IPP: variants seen among roughly 807,000 people sequenced by gnomAD.
The protein encoded by IPP is actin-binding protein IPP.
A neutral mutation model predicts 64.1 loss-of-function variants in IPP; 41 were observed. That is an observed-to-expected ratio of 0.64 (90% CI 0.50 to 0.83). IPP has a LOEUF of 0.83. Among genes scored for constraint, IPP ranks in the 40% least tolerant of loss-of-function variants. The pLI is 0.00. For missense variants in IPP, 649 were observed against 703.0 expected (o/e 0.92, Z 0.87); for synonymous variants, 214 against 235.2 (o/e 0.91, Z 0.83).
In IPP at chr1:45,700,192, T is replaced by A; in HGVS notation, c.1531-2A>T. ...TGAGGCAACTTCAACCCACTTTTCCTGGTTAAGAGAGAAAAAAAAAATATG... is the reference window on the plus strand; with the variant it reads ...TGAGGCAACTTCAACCCACTTTTCCAGGTTAAGAGAGAAAAAAAAAATATG... On this transcript the variant is annotated splice_acceptor_variant, in intron 8 of 8. Coordinates refer to ENST00000396478, the MANE Select transcript of IPP (RefSeq NM_005897.3). LOFTEE classifies it high-confidence loss of function. 6.3e-7 allele frequency: 1 copy of A among 1,592,972 alleles called. No homozygotes were observed. The highest frequency in any genetic ancestry group is 8.5e-7 in the Non-Finnish European group (1 of 1,172,416).
Position 45,741,133 on chromosome 1 carries a change from G to C in IPP, c.492C>G (p.Val164=). 5.6e-6 allele frequency: 9 copies of C among 1,614,132 alleles called. No homozygotes were observed. Among genetic ancestry groups the C allele is most frequent in the Non-Finnish European group, 7.6e-6 (9 of 1,179,988 alleles). The change falls in exon 3 of 9, where the codon GTC becomes GTG. Residue 164 remains valine, a synonymous_variant. Coordinates refer to ENST00000396478, the MANE Select transcript of IPP (RefSeq NM_005897.3). The stretch of plus-strand genomic sequence containing the variant: ...CTCCACTATGAACCTCCAAGAAATG[G>C]ACATGAATGTAGTTTTCTGAGAATT... ...LLEFSENYIH[V]HFLEVHSGEE... is the part of the protein sequence containing the mutation.
chr1:45,703,550 T>C (rs1233438403), intron 8 of IPP, among the ~76,000 whole-genome samples: 6 of 151,664 alleles, frequency 4.0e-5, no homozygotes, highest in Admixed American at 2.0e-4. Flanking sequence ...CAAGTGAATT[T>C]GAGAGACTTG....
chr1:45,741,582 T>C (rs1400561620), intron 2 of IPP, among the ~76,000 whole-genome samples: 2 of 152,144 alleles, frequency 1.3e-5, no homozygotes, highest in African/African-American at 2.4e-5. Flanking sequence ...TTAACCCTTA[T>C]TATAATCCCA....
chr1:45,695,702 T>G (rs1217232265), downstream of IPP, among the ~76,000 whole-genome samples: 1 of 151,362 alleles, frequency 6.6e-6, no homozygotes, highest in Non-Finnish European at 1.5e-5. Context: ...GGAGTTTCAC[T>G]CTTGTTGCCC....
chr1:45,697,772 C>T (rs1010627036), downstream of IPP, among the ~76,000 whole-genome samples: 5 of 151,452 alleles, frequency 3.3e-5, no homozygotes, highest in Admixed American at 2.0e-4. Flanking sequence ...GCCTGGCCAA[C>T]ATGGTGAAAC....
chr1:45,713,367 C>A (rs918555637), intron 8 of IPP, among the ~76,000 whole-genome samples: 7 of 152,062 alleles, frequency 4.6e-5, no homozygotes, highest in African/African-American at 1.4e-4. Context: ...TCGAAACCAG[C>A]CTGACCAACA....
At chr1:45,732,942 G>A (rs1412801713) in intron 3 of IPP, among the ~76,000 whole-genome samples, 1 of 151,918 alleles carries the variant, frequency 6.6e-6, no homozygotes, top group Admixed American at 6.6e-5. Flanking sequence ...TGGGATTACA[G>A]GTGTGAGCCA....
In IPP at chr1:45,741,332, CCTAGAGA is replaced by C. The variant is rs1452193948; in HGVS notation, c.293-7_293-1del. 6.3e-7 allele frequency: 1 copy of C among 1,578,486 alleles called. No homozygotes were observed. Among genetic ancestry groups the C allele is most frequent in the Non-Finnish European group, 8.6e-7 (1 of 1,160,996 alleles). ...ATTATTCACACCTATGTTCACTATA[CCTAGAGA>C]AGTAGGAAGACAAAATGGCCAATAA... is the stretch of plus-strand genomic sequence containing the variant. On this transcript the variant is annotated splice_acceptor_variant and splice_polypyrimidine_tract_variant and intron_variant, in intron 2 of 8. Transcript: ENST00000396478. LOFTEE classifies it high-confidence loss of function.
chr1:45,738,124 T>TATTTATCC (rs1393034583), intron 3 of IPP, among the ~76,000 whole-genome samples: 1 of 152,126 alleles, frequency 6.6e-6, no homozygotes, highest in East Asian at 1.9e-4. Context: ...TTAGAATGTA[T>TATTTATCC]CCCCCATGGA....
Position 45,700,240 on chromosome 1 carries a change from G to C in IPP, c.1531-50C>G. 1.9e-6 allele frequency: 3 copies of C among 1,557,246 alleles called. No individual in the cohort carries two copies. The South Asian group carries it at 3.6e-5, about 19-fold the overall frequency. ...ATGTTAGCAGTGTTATGAAATGATA[G>C]TAAAGAAATCCACTGAGAAATTCGA... is the stretch of plus-strand genomic sequence containing the variant. On this transcript the variant is annotated intron_variant, in intron 8 of 8. Transcript: ENST00000396478.
intron 8 of IPP, among the ~76,000 whole-genome samples, chr1:45,712,549 C>G (rs1188355976): frequency 6.6e-6 from 1 of 151,034 alleles, no homozygotes; most frequent in African/African-American, 2.4e-5. Context: ...AAGAAATTAC[C>G]AGAAAAATTT....
chr1:45,716,955 A>C lies in IPP; in HGVS notation c.1249T>G (p.Trp417Gly). 1 of 1,613,034 alleles carries C rather than the reference A, an allele frequency of 6.2e-7. No individual in the cohort carries two copies. Reference sequence around the variant, plus strand: ...ACAGCCATGTTACCAACTACTTCCCATTTATTTTCATCAGGATCAAATCGT... The same window carrying C: ...ACAGCCATGTTACCAACTACTTCCCCTTTATTTTCATCAGGATCAAATCGT... ...IERFDPDENK[W>G]EVVGNMAVSR... Residue 417 changes from tryptophan (W) to glycine (G), a missense_variant, in exon 7 of 9, where the codon TGG (tryptophan) becomes GGG (glycine). By Grantham distance (184) the Trp-to-Gly change is radical. Coordinates refer to ENST00000396478, the MANE Select transcript of IPP (RefSeq NM_005897.3).
chr1:45,729,525 G>T (rs1645876925), intron 4 of IPP, 89 bp downstream of exon 4: 1 of 985,030 alleles, frequency 1.0e-6, no homozygotes, highest in Non-Finnish European at 1.6e-6. Context: ...CACATATTCT[G>T]ACATGTATAG....
At chr1:45,713,182 C>T (rs1006733440) in intron 8 of IPP, among the ~76,000 whole-genome samples, 2 of 151,968 alleles carry the variant, frequency 1.3e-5, no homozygotes, top group African/African-American at 4.8e-5. Context: ...AATGCCAGTG[C>T]TTTGGGATGC....
downstream of IPP, among the ~76,000 whole-genome samples, chr1:45,696,000 A>G (rs1557733904): frequency 6.6e-6 from 1 of 152,302 alleles, no homozygotes; most frequent in East Asian, 1.9e-4. Flanking sequence ...GTTTCCACTC[A>G]GTCTCAATCT....
chr1:45,699,973 A>C lies in IPP; in HGVS notation c.1748T>G (p.Val583Gly). The C allele has an allele frequency of 1.9e-6, 3 of 1,614,200 alleles. No homozygotes were observed. The highest frequency in any genetic ancestry group is 2.5e-6 in the Non-Finnish European group (3 of 1,180,036). ...TCTGTTATGCTTTATATTTCATAGC[A>C]CAGCAACGCCCCCTTCACAACGACT... ...ITSRCEGGVAVL is the reference protein window; with the variant it reads ...ITSRCEGGVAGL The change falls in exon 9 of 9, where the codon GTG (valine) becomes GGG (glycine). Residue 583 changes from valine (V) to glycine (G), a missense_variant. By Grantham distance (109) the Val-to-Gly change is moderately radical. Coordinates refer to ENST00000396478, the MANE Select transcript of IPP (RefSeq NM_005897.3).
At chr1:45,714,907 G>C (rs1434466474) in intron 7 of IPP, among the ~76,000 whole-genome samples, 1 of 152,228 alleles carries the variant, frequency 6.6e-6, no homozygotes, top group African/African-American at 2.4e-5. Flanking sequence ...AATTTAAATA[G>C]TATATGGCTA....
Position 45,746,265 on chromosome 1 carries a change from T to C in IPP, c.147A>G (p.Lys49=), listed in dbSNP as rs568546270. The C allele has an allele frequency of 1.9e-6, 3 of 1,614,228 alleles. No individual in the cohort carries two copies. The South Asian group carries it at 3.3e-5, about 18-fold the overall frequency. The change falls in exon 2 of 9, where the codon AAA becomes AAG. Residue 49 remains lysine, a synonymous_variant. Transcript: ENST00000396478. ...TGGCAGCCAAAACCAGCCGATGAGC[T>C]TTAAAACTTTCCTGTCCAACTTGCA... ...VQLQVGQESF[K]AHRLVLAASS...
chr1:45,748,758 G>T (rs1444387925), intron 1 of IPP, among the ~76,000 whole-genome samples: 2 of 152,098 alleles, frequency 1.3e-5, no homozygotes, highest in African/African-American at 2.4e-5. Context: ...GATCACCAGA[G>T]GTCAGGCGTT....
Sources: allele counts gnomAD v4.1 joint callset (sites outside exome capture counted in the v4.1 genomes callset), GRCh38; gene constraint gnomAD v4.1.1; transcripts MANE v1.5; gene names NCBI Gene and HGNC (gene_info 2026-07-23, HGNC 2026-07-21).